ZNF823: variants seen among roughly 807,000 people sequenced by gnomAD.
The protein encoded by ZNF823 is zinc finger protein 823, also known as ZFP 36 for a zinc finger protein.
In ZNF823, 5 loss-of-function variants were observed where a neutral mutation model predicts 11.4. That is an observed-to-expected ratio of 0.44 (90% confidence interval 0.23 to 0.92). The LOEUF (loss-of-function observed/expected upper bound fraction) is 0.92, where lower values mean the gene tolerates loss of function less well. Among genes scored for constraint, ZNF823 ranks in the 40% least tolerant of loss-of-function variants. ZNF823 has a pLI of 0.24. For missense variants in ZNF823, 582 were observed against 738.5 expected (o/e 0.79, Z 2.46); for synonymous variants, 234 against 250.5 (o/e 0.93, Z 0.62).
At chr19:11,726,287 C>CATATATATATAT (rs139368397) in intron 1 of ZNF823, among the ~76,000 whole-genome samples, 2 of 112,244 alleles carry the variant, frequency 1.8e-5, no homozygotes, top group African/African-American at 5.5e-5. Context: ...ATAAAAAATA[C>CATATATATATAT]ATATATATAT....
intron 1 of ZNF823, among the ~76,000 whole-genome samples, chr19:11,730,191 G>A (rs910576776): frequency 6.6e-5 from 10 of 152,050 alleles, no homozygotes; most frequent in African/African-American, 2.2e-4. Flanking sequence ...GCCTCCCAAC[G>A]TGCTGGGATT....
intron 2 of ZNF823, 41 bp downstream of exon 2, chr19:11,725,160 T>C (rs968062773): frequency 7.5e-6 from 12 of 1,598,440 alleles, no homozygotes; most frequent in Non-Finnish European, 1.0e-5. Context: ...AGGAAACAAA[T>C]GTCTCTAATT....
intron 1 of ZNF823, among the ~76,000 whole-genome samples, chr19:11,736,196 A>T (rs1974989827): frequency 6.6e-6 from 1 of 152,174 alleles, no homozygotes; most frequent in South Asian, 2.1e-4. Flanking sequence ...TAGGCCCTGA[A>T]ATTCCGTTTG....
At chr19:11,733,856 C>G (rs1474653219) in intron 1 of ZNF823, among the ~76,000 whole-genome samples, 3 of 152,140 alleles carry the variant, frequency 2.0e-5, no homozygotes, top group Non-Finnish European at 4.4e-5. Flanking sequence ...TCTGATTAAA[C>G]AAACACAGTG....
intron 1 of ZNF823, among the ~76,000 whole-genome samples, chr19:11,730,963 G>A (rs1260362892): frequency 1.4e-5 from 2 of 139,100 alleles, no homozygotes; most frequent in African/African-American, 2.7e-5. Context: ...CCACACCTCA[G>A]ACAGCAGCAT....
rs972068404 is a variant in ZNF823 at position 11,721,621 on chromosome 19, T to C, written c.*80A>G. 55 of 1,372,338 alleles carry C rather than the reference T, an allele frequency of 4.0e-5. No individual in the cohort carries two copies. In the African/African-American group the frequency reaches 5.8e-4, roughly 14 times the overall value. The allele number at this position is 1,372,338 out of a possible 1,614,324, so 85.0% of individuals were successfully genotyped here. A position where few individuals can be genotyped will look rare whatever the true frequency, so the allele number is the denominator to read the frequency against. On this transcript the variant is annotated 3_prime_UTR_variant, in exon 4 of 4. Coordinates refer to ENST00000341191, the MANE Select transcript of ZNF823 (RefSeq NM_001080493.4). ...CTTAAGGCTTTATCCCATGTTTACATTCATAGGGTCTATCTCCAAAGTGAG... is the reference window on the plus strand; with the variant it reads ...CTTAAGGCTTTATCCCATGTTTACACTCATAGGGTCTATCTCCAAAGTGAG...
At position 11,721,642 on chromosome 19, in the gene ZNF823, G is replaced by T; in HGVS notation, c.*59C>A. 1 of 1,498,656 alleles carries T rather than the reference G, an allele frequency of 6.7e-7. No homozygotes were observed. Among genetic ancestry groups the T allele is most frequent in the Non-Finnish European group, 9.0e-7 (1 of 1,111,318 alleles). 92.8% of individuals were successfully genotyped at this position (1,498,656 alleles called of 1,614,324 possible). ...TACATTCATAGGGTCTATCTCCAAAGTGAGTTCTTTCAAGTTTCTGAAATT... is the reference window on the plus strand; with the variant it reads ...TACATTCATAGGGTCTATCTCCAAATTGAGTTCTTTCAAGTTTCTGAAATT... On this transcript the variant is annotated 3_prime_UTR_variant, in exon 4 of 4. Transcript: ENST00000341191.
intron 1 of ZNF823, among the ~76,000 whole-genome samples, chr19:11,732,169 C>T (rs8110382): frequency 1.2e-4 from 16 of 135,594 alleles, no homozygotes; most frequent in African/African-American, 3.2e-4. Context: ...AAAGGTTTCC[C>T]TTTTTTTTTT....
intron 1 of ZNF823, among the ~76,000 whole-genome samples, chr19:11,731,001 TAAA>T (rs1299112742): frequency 1.7e-5 from 1 of 58,044 alleles, no homozygotes; most frequent in Non-Finnish European, 3.7e-5. Flanking sequence ...GCAAAGAAAC[TAAA>T]AAAAAAAAAA....
chr19:11,721,561 T>C lies in ZNF823; in HGVS notation c.*140A>G, dbSNP rs1304667785. ...GCTGGAACCAATCCCCTGCAATATA[T>C]TGGGGGATAACTGTATTTAAAAAAA... On this transcript the variant is annotated 3_prime_UTR_variant, in exon 4 of 4. Coordinates refer to ENST00000341191, the MANE Select transcript of ZNF823 (RefSeq NM_001080493.4). The C allele has an allele frequency of 6.1e-6, 5 of 815,420 alleles. No individual in the cohort carries two copies. Among genetic ancestry groups the C allele is most frequent in the Admixed American group, 3.0e-5 (1 of 33,646 alleles). The allele number at this position is 815,420 out of a possible 1,614,324, so 50.5% of individuals were successfully genotyped here.
chr19:11,726,077 A>G (rs1448450362), intron 1 of ZNF823: 1 of 61,698 alleles, frequency 1.6e-5, no homozygotes, highest in Non-Finnish European at 3.6e-5. Context: ...AAAATACAAA[A>G]AAAAAAAAAA....
chr19:11,733,234 G>T (rs1354323409), intron 1 of ZNF823, among the ~76,000 whole-genome samples: 1 of 152,044 alleles, frequency 6.6e-6, no homozygotes, highest in Non-Finnish European at 1.5e-5. Context: ...GGGCGTGGTG[G>T]CACGCGCCTG....
intron 1 of ZNF823, among the ~76,000 whole-genome samples, chr19:11,733,365 CAAA>C (rs34650100): frequency 0.11 from 10,935 of 95,274 alleles, 888 homozygotes; most frequent in African/African-American, 0.3. Context: ...GACTCCATCT[CAAA>C]AAAAAAAAAA....
At chr19:11,734,870 T>G (rs1974964741) in intron 1 of ZNF823, among the ~76,000 whole-genome samples, 1 of 152,178 alleles carries the variant, frequency 6.6e-6, no homozygotes, top group Non-Finnish European at 1.5e-5. Flanking sequence ...TCCTAAGAAC[T>G]GACTGAAGTC....
Position 11,730,190 on chromosome 19 carries a change from C to T in ZNF823, c.4-4863G>A, listed in dbSNP as rs146691643. ...TGATCCGCCTGCCTCGGCCTCCCAA[C>T]GTGCTGGGATTACAAGTGTGAGCCA... On this transcript the variant is annotated intron_variant, in intron 1 of 3. Coordinates refer to ENST00000341191, the MANE Select transcript of ZNF823 (RefSeq NM_001080493.4). 1.3e-4 allele frequency among the ~76,000 whole-genome samples: 20 copies of T among 152,162 alleles called. No individual in the cohort carries two copies. In the East Asian group the frequency reaches 2.3e-3, roughly 18 times the overall value.
chr19:11,732,166 T>C (rs1448879141), intron 1 of ZNF823, among the ~76,000 whole-genome samples: 1 of 138,810 alleles, frequency 7.2e-6, no homozygotes, highest in South Asian at 2.4e-4. Context: ...GTTAAAGGTT[T>C]CCCTTTTTTT....
At chr19:11,732,311 A>C (rs1974913165) in intron 1 of ZNF823, among the ~76,000 whole-genome samples, 1 of 151,860 alleles carries the variant, frequency 6.6e-6, no homozygotes, top group Non-Finnish European at 1.5e-5. Context: ...ACTACAGGCA[A>C]CTGCCACCAC....
In ZNF823 at chr19:11,722,514, G is replaced by A. The variant is rs1285925145; in HGVS notation, c.1020C>T (p.Gly340=). 1 of 1,614,116 alleles carries A rather than the reference G, an allele frequency of 6.2e-7. No homozygotes were observed. The highest frequency in any genetic ancestry group is 1.7e-5 in the Admixed American group (1 of 60,004). ...TTCGAACTGAACTAGGACAATCAAA[G>A]CCTTTCCCACATATCTTACATTTAT... ...GPHKCKICGK[G]FDCPSSVRNH... is the part of the protein sequence containing the mutation. Residue 340 remains glycine (G), a synonymous_variant, in exon 4 of 4, where the codon GGC becomes GGT. Coordinates refer to ENST00000341191, the MANE Select transcript of ZNF823 (RefSeq NM_001080493.4). The surrounding 1 kb of genome is among the most constrained non-coding windows in gnomAD (Gnocchi z 5.2).
intron 1 of ZNF823, among the ~76,000 whole-genome samples, chr19:11,738,293 C>T (rs1286359758): frequency 2.6e-5 from 4 of 152,198 alleles, no homozygotes; most frequent in Non-Finnish European, 5.9e-5. Flanking sequence ...AGGGAACCCA[C>T]TCAGCAGAAT....
Sources: gnomAD v4.1 joint callset for allele counts (sites outside exome capture counted in the v4.1 genomes callset) on GRCh38, gnomAD v4.1.1 for gene constraint, Gnocchi (gnomAD v3.1) non-coding constraint, MANE v1.5 for transcripts, NCBI Gene and HGNC (gene_info 2026-07-23, HGNC 2026-07-21) for gene names.